DLG2: variants seen among roughly 807,000 people sequenced by gnomAD.
DLG2 encodes discs large MAGUK scaffold protein 2.
In DLG2, 45 loss-of-function variants were observed where a neutral mutation model predicts 132.5. The ratio of observed to expected loss-of-function variants is 0.34; its 90% CI spans 0.27 to 0.44. DLG2 has a LOEUF of 0.44. DLG2 is among the 20% of genes least tolerant of loss of function. The probability of loss-of-function intolerance (pLI) is 1.00; values close to 1 mark genes in which losing one functional copy is unlikely to be tolerated. For missense variants in DLG2, 1,045 were observed against 1,196.9 expected, an observed-to-expected ratio of 0.87 and a Z score of 1.87; for synonymous variants, 424 against 419.6, an observed-to-expected ratio of 1.01 and a Z score of -0.13.
intron 18 of DLG2, among the ~76,000 whole-genome samples, chr11:83,743,490 G>C (rs1178823864): frequency 7.5e-6 from 1 of 134,022 alleles, no homozygotes; most frequent in Non-Finnish European, 1.5e-5. Flanking sequence ...GGAGTACAGT[G>C]ATGTAAACAC....
intron 16 of DLG2, among the ~76,000 whole-genome samples, chr11:83,860,473 C>T (rs1052898568): frequency 7.2e-5 from 11 of 152,160 alleles, no homozygotes; most frequent in Non-Finnish European, 1.5e-4. Context: ...TGCATGAGGC[C>T]TGTAGCCCCT....
intron 18 of DLG2, among the ~76,000 whole-genome samples, chr11:83,667,953 G>A (rs2075963154): frequency 8.6e-6 from 1 of 116,368 alleles, no homozygotes; most frequent in Admixed American, 1.1e-4. Flanking sequence ...TCCAGCCCGG[G>A]CGACAGAGTG....
intron 6 of DLG2, among the ~76,000 whole-genome samples, chr11:84,727,615 T>C (rs1360145362): frequency 6.6e-6 from 1 of 152,116 alleles, no homozygotes. Flanking sequence ...AAAGTAGTTT[T>C]TTTTTCCAAT....
intron 18 of DLG2, among the ~76,000 whole-genome samples, chr11:83,719,056 T>A (rs749421575): frequency 3.9e-5 from 6 of 152,160 alleles, no homozygotes; most frequent in Admixed American, 3.9e-4. Context: ...TGAGTGAGAA[T>A]CCCTGAAAGG....
chr11:83,523,912 T>A (rs2095543713), intron 21 of DLG2, among the ~76,000 whole-genome samples: 1 of 152,068 alleles, frequency 6.6e-6, no homozygotes, highest in Non-Finnish European at 1.5e-5. Flanking sequence ...TGGTAACTTC[T>A]CTCCCCAACT....
At chr11:85,202,433 G>A (rs947701977) in intron 4 of DLG2, among the ~76,000 whole-genome samples, 6 of 152,014 alleles carry the variant, frequency 3.9e-5, no homozygotes, top group Admixed American at 2.0e-4. Flanking sequence ...AATAAACTGC[G>A]ATATAATAGC....
intron 6 of DLG2, among the ~76,000 whole-genome samples, chr11:84,916,990 C>T (rs1245818757): frequency 6.6e-6 from 1 of 152,148 alleles, no homozygotes; most frequent in African/African-American, 2.4e-5. Flanking sequence ...AACTCTAAAC[C>T]AACCCATCCC....
intron 21 of DLG2, among the ~76,000 whole-genome samples, chr11:83,496,611 T>G (rs1190390536): frequency 6.6e-6 from 1 of 151,964 alleles, no homozygotes; most frequent in African/African-American, 2.4e-5. Flanking sequence ...TACTCAACAA[T>G]AAAAAGGACT....
At chr11:84,728,405 T>C (rs551865337) in intron 6 of DLG2, among the ~76,000 whole-genome samples, 2 of 152,268 alleles carry the variant, frequency 1.3e-5, no homozygotes, top group African/African-American at 2.4e-5. Context: ...TTGAAAGGCA[T>C]ATGTTGAACC....
intron 9 of DLG2, among the ~76,000 whole-genome samples, chr11:84,151,141 G>C (rs997769807): frequency 2.6e-5 from 4 of 151,452 alleles, no homozygotes; most frequent in Admixed American, 6.6e-5. Flanking sequence ...TTAGGGAGGG[G>C]TCCCTAACCC....
intron 11 of DLG2, among the ~76,000 whole-genome samples, chr11:84,044,259 C>G (rs562226773): frequency 3.0e-4 from 46 of 151,866 alleles, no homozygotes; most frequent in African/African-American, 1.0e-3. Context: ...CTAATACATA[C>G]CAGGTGCTTA....
chr11:84,003,973 T>C (rs1250918883), intron 11 of DLG2, among the ~76,000 whole-genome samples: 1 of 151,946 alleles, frequency 6.6e-6, no homozygotes, highest in African/African-American at 2.4e-5. Flanking sequence ...TAAAATAAAG[T>C]GCAGGATCAG....
intron 6 of DLG2, among the ~76,000 whole-genome samples, chr11:84,839,332 T>C (rs1047272136): frequency 1.3e-5 from 2 of 151,790 alleles, no homozygotes; most frequent in South Asian, 2.1e-4. Context: ...CACTGCTCAA[T>C]GAAATAAAAG....
chr11:83,760,950 A>T (rs920768048), intron 18 of DLG2, among the ~76,000 whole-genome samples: 2 of 152,168 alleles, frequency 1.3e-5, no homozygotes, highest in African/African-American at 4.8e-5. Flanking sequence ...CATTGTCTTA[A>T]GGTATAAGAC....
At chr11:85,215,706 T>C (rs979434228) in intron 4 of DLG2, among the ~76,000 whole-genome samples, 2 of 152,198 alleles carry the variant, frequency 1.3e-5, no homozygotes, top group Non-Finnish European at 2.9e-5. Flanking sequence ...TTTTTCTTTG[T>C]CTTGTCCCTT....
chr11:84,170,696 C>T (rs912481185), intron 8 of DLG2, among the ~76,000 whole-genome samples: 1 of 152,186 alleles, frequency 6.6e-6, no homozygotes, highest in South Asian at 2.1e-4. Context: ...GGAGACAGCA[C>T]TGACCTTAAG....
intron 7 of DLG2, among the ~76,000 whole-genome samples, chr11:84,467,219 C>T (rs2099096837): frequency 6.6e-6 from 1 of 151,266 alleles, no homozygotes; most frequent in African/African-American, 2.4e-5. Context: ...AATCTGATAA[C>T]AATTTGAGTA....
chr11:84,154,849 T>C (rs140255752), intron 9 of DLG2, among the ~76,000 whole-genome samples: 1 of 152,194 alleles, frequency 6.6e-6, no homozygotes, highest in Admixed American at 6.5e-5. Flanking sequence ...GATGGCTGCA[T>C]AGTATTCCAT....
chr11:85,084,225 A>T (rs899425519), intron 6 of DLG2, among the ~76,000 whole-genome samples: 1 of 152,184 alleles, frequency 6.6e-6, no homozygotes, highest in African/African-American at 2.4e-5. Flanking sequence ...GAGAAAGTAG[A>T]GAATTTCTGG....
Sources: allele counts gnomAD v4.1 joint callset (sites outside exome capture counted in the v4.1 genomes callset), GRCh38; gene constraint gnomAD v4.1.1; transcripts MANE v1.5; gene names NCBI Gene and HGNC (gene_info 2026-07-23, HGNC 2026-07-21).